The following RTEL1 variants were observed in gnomAD, a reference collection of about 807,000 sequenced individuals.
RTEL1 encodes regulator of telomere elongation helicase 1.
RTEL1 carries 86 observed loss-of-function variants against 162.2 expected under a neutral mutation model. The ratio of observed to expected loss-of-function variants is 0.53; its 90% CI spans 0.45 to 0.63. RTEL1 has a LOEUF of 0.63. Among genes scored for constraint, RTEL1 ranks in the 30% least tolerant of loss-of-function variants. The probability of loss-of-function intolerance (pLI) is 0.00; values close to 1 mark genes in which losing one functional copy is unlikely to be tolerated. For missense variants in RTEL1, 1,941 were observed against 1,750.2 expected (o/e 1.11, Z -1.95); for synonymous variants, 958 against 717.9 (o/e 1.33, Z -5.35).
chr20:63,689,947 G>A (rs1044508815), intron 24 of RTEL1, 82 bp downstream of exon 24: 1 of 1,555,152 alleles, frequency 6.4e-7, no homozygotes, highest in Non-Finnish European at 8.7e-7. Flanking sequence ...TTCCCCACAT[G>A]AGGCCCCGTC....
In RTEL1 at chr20:63,687,732, G is replaced by A. The variant is rs762716598; in HGVS notation, c.1443G>A (p.Thr481=). 41 of 1,590,788 alleles carry A rather than the reference G, an allele frequency of 2.6e-5. No homozygotes were observed. In the Middle Eastern group the frequency reaches 8.9e-4, roughly 34 times the overall value. Residue 481 remains threonine (T), a synonymous_variant, in exon 17 of 35, where the codon ACG becomes ACA. Transcript: ENST00000360203. ...GCTCCCTCATCCTTACCAGCGGCAC[G>A]CTGGCCCCGGTGTCCTCCTTTGCTC... ...GVRSLILTSG[T]LAPVSSFALE... is the part of the protein sequence containing the mutation.
At chr20:63,664,626 C>T (rs540708908) in intron 6 of RTEL1, among the ~76,000 whole-genome samples, 1 of 152,242 alleles carries the variant, frequency 6.6e-6, no homozygotes, top group Non-Finnish European at 1.5e-5. Flanking sequence ...TCTCACTGCC[C>T]GACCTGGCGG....
At position 63,693,492 on chromosome 20, in the gene RTEL1, TCCACCTCCACCACCACCTCCTCCA is replaced by T. The variant is rs2090846867; in HGVS notation, c.2992+215_2992+238del. Among the ~76,000 whole-genome samples, 33 of 4,320 alleles carry T rather than the reference TCCACCTCCACCACCACCTCCTCCA, an allele frequency of 7.6e-3. 1 individual carries two copies. The highest frequency in any genetic ancestry group is 9.6e-3 in the Admixed American group (4 of 416). The allele number at this position is 4,320 out of a possible 152,430, so 2.8% of individuals were successfully genotyped here. On this transcript the variant is annotated intron_variant, in intron 30 of 34. Transcript: ENST00000360203. ...CTCCACCTCCACCTCCACCACCACC[TCCACCTCCACCACCACCTCCTCCA>T]CCACCACCACCTCCACCACCACCAC...
In RTEL1 at chr20:63,668,283, G is replaced by C. The variant is rs2146179487; in HGVS notation, c.699+730G>C. Among the ~76,000 whole-genome samples the C allele has an allele frequency of 6.6e-6, 1 of 152,318 alleles. No individual in the cohort carries two copies. Among genetic ancestry groups the C allele is most frequent in the South Asian group, 2.1e-4 (1 of 4,824 alleles). ...ATGGTTTGTGTGTTCACGTGACGAT[G>C]GCGTGGTGACGTTTCCAGATCCCGT... On this transcript the variant is annotated intron_variant, in intron 8 of 34. Transcript: ENST00000360203. The surrounding 1 kb of genome is among the most constrained non-coding windows in gnomAD (Gnocchi z 4.3).
chr20:63,662,789 G>A (rs1436467837), intron 5 of RTEL1, 40 bp from the exon 6 acceptor site: 2 of 1,611,878 alleles, frequency 1.2e-6, no homozygotes, highest in African/African-American at 1.3e-5. Flanking sequence ...GTCCTTTCTT[G>A]GCCGTGCTTC....
rs1489753727 is a variant in RTEL1, at chr20:63,689,902, A to G, written c.2141+37A>G. 3.2e-6 allele frequency: 5 copies of G among 1,569,184 alleles called. No individual in the cohort carries two copies. In the South Asian group the frequency reaches 5.6e-5, roughly 17 times the overall value. On this transcript the variant is annotated intron_variant, in intron 24 of 34. Coordinates refer to ENST00000360203, the MANE Select transcript of RTEL1 (RefSeq NM_001283009.2). ...CCGGTGGCAGGCGCGGCGCCAGGGG[A>G]CACGCCCACACCCCACTGGGCCCCT...
At chr20:63,662,742 G>C in intron 5 of RTEL1, 87 bp from the exon 6 acceptor site, 1 of 1,593,898 alleles carries the variant, frequency 6.3e-7, no homozygotes, top group Non-Finnish European at 8.6e-7. Context: ...CTGGGGGACT[G>C]CAGGGGAGGA....
At position 63,693,232 on chromosome 20, in the gene RTEL1, G is replaced by A. The variant is rs556575959; in HGVS notation, c.2941G>A (p.Glu981Lys). The change falls in exon 30 of 35, where the codon GAG (glutamate) becomes AAG (lysine). Residue 981 changes from glutamate (E) to lysine (K), a missense_variant. Glu to Lys is a moderately conservative substitution (Grantham distance 56, BLOSUM62 1). Transcript: ENST00000360203. Reference protein sequence around the residue: ...LTGRGCGYRPEHSIPRRQRAQ... With the variant: ...LTGRGCGYRPKHSIPRRQRAQ... ...AGGACGAGGCTGTGGCTATCGGCCT[G>A]AGCACAGCATTCCCCGAAGGCAGCG... The A allele has an allele frequency of 9.3e-6, 15 of 1,612,082 alleles. No individual in the cohort carries two copies. The highest frequency in any genetic ancestry group is 1.1e-5 in the Non-Finnish European group (13 of 1,179,492).
chr20:63,693,522 A>ACCACCT (rs1568720589), intron 30 of RTEL1, among the ~76,000 whole-genome samples: 1 of 8,810 alleles, frequency 1.1e-4, no homozygotes, highest in Non-Finnish European at 2.5e-4. Flanking sequence ...CTCCACCACC[A>ACCACCT]CCACCTCCAC....
rs368818852 is a variant in RTEL1 at position 63,685,780 on chromosome 20, G to T, written c.1267-11G>T. ...GCGGGGCCTCCACACTCCTGGTCCT[G>T]TCCCCTCCAGGTGCACATCCATCCT... On this transcript the variant is annotated splice_polypyrimidine_tract_variant and intron_variant, in intron 15 of 34. Coordinates refer to ENST00000360203, the MANE Select transcript of RTEL1 (RefSeq NM_001283009.2). 1.6e-5 allele frequency: 25 copies of T among 1,610,850 alleles called. No individual in the cohort carries two copies. In the East Asian group the frequency reaches 2.7e-4, roughly 17 times the overall value.
intron 28 of RTEL1, 186 bp from the exon 29 acceptor site, chr20:63,692,619 C>T: frequency 1.6e-6 from 1 of 619,634 alleles, no homozygotes; most frequent in Non-Finnish European, 2.8e-6. Flanking sequence ...CAGACGGGCC[C>T]AGCCCCACAG....
At position 63,673,980 on chromosome 20, in the gene RTEL1, C is replaced by T. The variant is rs774484990; in HGVS notation, c.806C>T (p.Pro269Leu). ...GAATCGGCATCCTTTGACCTGACTC[C>T]CCATGACCTGGCTTCAGGACTGGAC... is the stretch of plus-strand genomic sequence containing the variant. ...CEESASFDLT[P>L]HDLASGLDVI... Residue 269 changes from proline to leucine, a missense_variant, in exon 10 of 35, where the codon CCC (proline) becomes CTC (leucine). Transcript: ENST00000360203. 3 of 1,614,014 alleles carry T rather than the reference C, an allele frequency of 1.9e-6. No individual in the cohort carries two copies. In the South Asian group the frequency reaches 3.3e-5, roughly 18 times the overall value.
intron 9 of RTEL1, among the ~76,000 whole-genome samples, chr20:63,673,029 A>G (rs2090277381): frequency 6.6e-6 from 1 of 152,146 alleles, no homozygotes; most frequent in Non-Finnish European, 1.5e-5. Context: ...CCTTGGAGGC[A>G]GAGGCTGCAG....
At chr20:63,664,078 ATCT>A (rs2090074624) in intron 6 of RTEL1, among the ~76,000 whole-genome samples, 1 of 152,186 alleles carries the variant, frequency 6.6e-6, no homozygotes, top group Non-Finnish European at 1.5e-5. Context: ...ACCCTCAGTC[ATCT>A]TGATGTGTGG....
intron 8 of RTEL1, 109 bp downstream of exon 8, chr20:63,667,662 T>C (rs1601102452): frequency 1.1e-6 from 1 of 891,676 alleles, no homozygotes; most frequent in African/African-American, 1.6e-5. Flanking sequence ...TCAGCAGGCC[T>C]GGGTGGGAGG....
Position 63,688,325 on chromosome 20 carries a change from ATGGGC to A in RTEL1, c.1663_1667del (p.Gly555ProfsTer109), listed in dbSNP as rs755037791. 3 of 1,612,352 alleles carry A rather than the reference ATGGGC, an allele frequency of 1.9e-6. No individual in the cohort carries two copies. ...GGCAACATCGCCCGCGTGGTGCCCTATGGGCTCCTGATCTTCTTCCCTTCCTATCC... is the reference window on the plus strand; with the variant it reads ...GGCAACATCGCCCGCGTGGTGCCCTATCCTGATCTTCTTCCCTTCCTATCC... On this transcript the variant is annotated frameshift_variant, in exon 20 of 35. Transcript: ENST00000360203. LOFTEE classifies it high-confidence loss of function.
rs1487421678 is a variant in RTEL1, at chr20:63,668,101, C to T, written c.699+548C>T. 2.7e-5 allele frequency among the ~76,000 whole-genome samples: 4 copies of T among 146,018 alleles called. No homozygotes were observed. Among genetic ancestry groups the T allele is most frequent in the Non-Finnish European group, 6.0e-5 (4 of 66,278 alleles). ...ACTCCCTTCCGCCCCGTGTGCCCAG[C>T]CCCACGCTCACTCCCCCCGCCAGCA... is the stretch of plus-strand genomic sequence containing the variant. On this transcript the variant is annotated intron_variant, in intron 8 of 34. Transcript: ENST00000360203. This position sits in a 1 kb window ranked among gnomAD's most constrained non-coding sequence, Gnocchi z 4.3.
Position 63,667,378 on chromosome 20 carries a change from A to G in RTEL1, c.615-91A>G, listed in dbSNP as rs2090157164. 4.0e-6 allele frequency: 4 copies of G among 1,003,978 alleles called. No homozygotes were observed. In the African/African-American group the frequency reaches 4.8e-5, roughly 12 times the overall value. 62.2% of individuals were successfully genotyped at this position (1,003,978 alleles called of 1,614,324 possible). The stretch of plus-strand genomic sequence containing the variant: ...CCACCTGGGCCCTACGTGCAGGATG[A>G]GGGCTCCTTCCGGGTCAGAAGACAT... On this transcript the variant is annotated intron_variant, in intron 7 of 34. Coordinates refer to ENST00000360203, the MANE Select transcript of RTEL1 (RefSeq NM_001283009.2).
At chr20:63,669,495 A>G (rs553198013) in intron 8 of RTEL1, among the ~76,000 whole-genome samples, 3 of 152,384 alleles carry the variant, frequency 2.0e-5, no homozygotes, top group Non-Finnish European at 4.4e-5. Flanking sequence ...AGTTAAAGAA[A>G]GGGAGAAAAT....
Sources: allele counts gnomAD v4.1 joint callset (sites outside exome capture counted in the v4.1 genomes callset), GRCh38; gene constraint gnomAD v4.1.1; non-coding constraint Gnocchi (gnomAD v3.1); transcripts MANE v1.5; gene names NCBI Gene and HGNC (gene_info 2026-07-23, HGNC 2026-07-21).